The following TIRAP variants were observed in gnomAD, a reference collection of about 807,000 sequenced individuals.
The protein encoded by TIRAP is toll/interleukin-1 receptor domain-containing adapter protein.
A neutral mutation model predicts 19.8 loss-of-function variants in TIRAP; 20 were observed. The ratio of observed to expected loss-of-function variants is 1.01; its 90% CI spans 0.71 to 1.47. TIRAP has a LOEUF of 1.47. TIRAP is among the 40% of genes most tolerant of loss of function. The pLI is 0.00. For synonymous variants in TIRAP, 125 were observed against 121.7 expected (o/e 1.03, Z -0.18); for missense variants, 276 against 285.1 (o/e 0.97, Z 0.23).
At chr11:126,283,506 G>T (rs1770775858) in intron 1 of TIRAP, among the ~76,000 whole-genome samples, 2 of 152,222 alleles carry the variant, frequency 1.3e-5, no homozygotes, top group South Asian at 4.1e-4. Context: ...CTCTGCTCCG[G>T]TCACAGCCTC....
At position 126,292,621 on chromosome 11, in the gene TIRAP, C is replaced by T; in HGVS notation, c.212C>T (p.Pro71Leu). The change falls in exon 4 of 5, where the codon CCC becomes CTC. Residue 71 changes from proline (P) to leucine (L), a missense_variant. By Grantham distance (98) the Pro-to-Leu change is moderately conservative. Coordinates refer to ENST00000392679, the MANE Select transcript of TIRAP (RefSeq NM_001318777.2). ...LSSVTSPSLP[P>L]THASDSGSSR... The stretch of plus-strand genomic sequence containing the variant: ...TCAGTCACGTCTCCCAGCCTGCCAC[C>T]CACACATGCGAGTGACAGTGGCAGT... 2 of 1,614,204 alleles carry T rather than the reference C, an allele frequency of 1.2e-6. No individual in the cohort carries two copies. Among genetic ancestry groups the T allele is most frequent in the South Asian group, 1.1e-5 (1 of 91,084 alleles).
chr11:126,293,424 T>C (rs1298574916), intron 4 of TIRAP: 1 of 709,002 alleles, frequency 1.4e-6, no homozygotes, highest in Non-Finnish European at 2.6e-6. Flanking sequence ...ATTAGGTTTC[T>C]CTGAGATCAG....
chr11:126,290,570 G>A lies in TIRAP; in HGVS notation c.-108G>A. ...AGAGAACAGTTCCTCAGCTGGTCATGCTGAGCTCATACCCTGTAAGTCTGA... is the reference window on the plus strand; with the variant it reads ...AGAGAACAGTTCCTCAGCTGGTCATACTGAGCTCATACCCTGTAAGTCTGA... On this transcript the variant is annotated 5_prime_UTR_variant, in exon 2 of 5. It removes an upstream start codon present in the reference 5' UTR. Transcript: ENST00000392679. The surrounding 1 kb of genome is among the most constrained non-coding windows in gnomAD (Gnocchi z 4.9). 1 of 1,070,010 alleles carries A rather than the reference G, an allele frequency of 9.3e-7. No individual in the cohort carries two copies. The highest frequency in any genetic ancestry group is 1.1e-6 in the Non-Finnish European group (1 of 885,770). The allele number at this position is 1,070,010 out of a possible 1,614,324, so 66.3% of individuals were successfully genotyped here.
chr11:126,292,754 C>G lies in TIRAP; in HGVS notation c.345C>G (p.Arg115=). ...TGGAAGGCAGCACTGCCAGCCTGCGCTGCTTCCTGCAACTCCGGGATGCAA... is the reference window on the plus strand; with the variant it reads ...TGGAAGGCAGCACTGCCAGCCTGCGGTGCTTCCTGCAACTCCGGGATGCAA... ...SYLEGSTASL[R]CFLQLRDATP... Residue 115 remains arginine, a synonymous_variant, in exon 4 of 5, where the codon CGC becomes CGG. Transcript: ENST00000392679. The G allele has an allele frequency of 6.2e-7, 1 of 1,613,188 alleles. No homozygotes were observed. The highest frequency in any genetic ancestry group is 1.7e-5 in the Admixed American group (1 of 59,880).
At position 126,292,856 on chromosome 11, in the gene TIRAP, G is replaced by A. The variant is rs1238402096; in HGVS notation, c.447G>A (p.Pro149=). The change falls in exon 4 of 5, where the codon CCG becomes CCA. Residue 149 remains proline, a synonymous_variant. Coordinates refer to ENST00000392679, the MANE Select transcript of TIRAP (RefSeq NM_001318777.2). The part of the protein sequence containing the change: ...SSHCRVLLIT[P]GFLQDPWCKY... ...ACTGCCGGGTGCTGCTCATCACGCC[G>A]GGCTTCCTTCAGGACCCCTGGTGCA... The A allele has an allele frequency of 4.3e-6, 7 of 1,613,086 alleles. No individual in the cohort carries two copies. The highest frequency in any genetic ancestry group is 2.7e-5 in the African/African-American group (2 of 74,926).
At position 126,288,138 on chromosome 11, in the gene TIRAP, C is replaced by G. The variant is rs1951342048; in HGVS notation, c.-216-2324C>G. Among the ~76,000 whole-genome samples, 1 of 152,232 alleles carries G rather than the reference C, an allele frequency of 6.6e-6. No homozygotes were observed. Among genetic ancestry groups the G allele is most frequent in the African/African-American group, 2.4e-5 (1 of 41,464 alleles). On this transcript the variant is annotated intron_variant, in intron 1 of 4. Coordinates refer to ENST00000392679, the MANE Select transcript of TIRAP (RefSeq NM_001318777.2). The surrounding 1 kb of genome is among the most constrained non-coding windows in gnomAD (Gnocchi z 5.0). ...CACATGATCTGCCCACCTCGGCCTC[C>G]CAAAGTGCTGGGATTACAGGCATGA...
At position 126,290,391 on chromosome 11, in the gene TIRAP, G is replaced by C; in HGVS notation, c.-216-71G>C. On this transcript the variant is annotated intron_variant, in intron 1 of 4. Transcript: ENST00000392679. This position sits in a 1 kb window ranked among gnomAD's most constrained non-coding sequence, Gnocchi z 4.9. The stretch of plus-strand genomic sequence containing the variant: ...TTCCTGCATGTGCTCTCTCTCTACT[G>C]TTCAGCTTCTGTCTATCTGGATACA... 1.0e-6 allele frequency: 1 copy of C among 978,504 alleles called. No homozygotes were observed. The highest frequency in any genetic ancestry group is 1.2e-6 in the Non-Finnish European group (1 of 823,258). 60.6% of individuals were successfully genotyped at this position (978,504 alleles called of 1,614,324 possible).
Position 126,292,939 on chromosome 11 carries a change from C to A in TIRAP, c.530C>A (p.Pro177His), listed in dbSNP as rs1430822478. ...CCAGGGGCCGAGGGCTGCACCATCC[C>A]CCTGCTGTCGGGCCTCAGCAGAGCT... ...EAPGAEGCTI[P>H]LLSGLSRAAY... Residue 177 changes from proline to histidine, a missense_variant, in exon 4 of 5, where the codon CCC (proline) becomes CAC (histidine). Pro to His is a moderately conservative substitution (Grantham distance 77). Transcript: ENST00000392679. 20 of 1,613,952 alleles carry A rather than the reference C, an allele frequency of 1.2e-5. No individual in the cohort carries two copies. Among genetic ancestry groups the A allele is most frequent in the Non-Finnish European group, 1.7e-5 (20 of 1,179,974 alleles).
Position 126,285,260 on chromosome 11 carries a change from T to TATATATATATATATATATATAA in TIRAP, c.-217+2108_-217+2109insTATATATATATATATATATAAA, listed in dbSNP as rs773653398. Among the ~76,000 whole-genome samples the TATATATATATATATATATATAA allele has an allele frequency of 2.5e-3, 340 of 135,378 alleles. 2 individuals carry two copies. Among genetic ancestry groups the TATATATATATATATATATATAA allele is most frequent in the South Asian group, 8.1e-3 (34 of 4,188 alleles). 88.8% of individuals were successfully genotyped at this position (135,378 alleles called of 152,430 possible). A position where few individuals can be genotyped will look rare whatever the true frequency, so the allele number is the denominator to read the frequency against. On this transcript the variant is annotated intron_variant, in intron 1 of 4. Transcript: ENST00000392679. ...GTGTGTGTGTATATATATATATATA[T>TATATATATATATATATATATAA]AATATATATTTTATTTGATTTTTGA...
At chr11:126,289,902 C>T in intron 1 of TIRAP, 2 of 951,586 alleles carry the variant, frequency 2.1e-6, no homozygotes, top group Non-Finnish European at 2.5e-6. Flanking sequence ...AGTCTGACAA[C>T]CTCCCCACCA....
chr11:126,285,243 G>GTGTGTGTATATATATATATATA, intron 1 of TIRAP, among the ~76,000 whole-genome samples: 4,898 of 106,454 alleles, frequency 0.046, 157 homozygotes, highest in Non-Finnish European at 0.07. Context: ...GTGTGTGTGT[G>GTGTGTGTATATATATATATATA]TATATATATA....
At position 126,291,616 on chromosome 11, in the gene TIRAP, A is replaced by G. The variant is rs779202228; in HGVS notation, c.67+655A>G. On this transcript the variant is annotated intron_variant, in intron 3 of 4. Coordinates refer to ENST00000392679, the MANE Select transcript of TIRAP (RefSeq NM_001318777.2). This position sits in a 1 kb window ranked among gnomAD's most constrained non-coding sequence, Gnocchi z 5.6. ...TCTCTGCTCCTCAGCAACTCTGAGC[A>G]GTAGCCTCTTCCCCATTTAGCGACA... The G allele has an allele frequency of 2.3e-6, 1 of 438,776 alleles. No homozygotes were observed. The highest frequency in any genetic ancestry group is 4.6e-6 in the Non-Finnish European group (1 of 217,774). 27.2% of individuals were successfully genotyped at this position (438,776 alleles called of 1,614,324 possible). A position where few individuals can be genotyped will look rare whatever the true frequency, so the allele number is the denominator to read the frequency against.
At chr11:126,286,832 T>C (rs574055018) in intron 1 of TIRAP, among the ~76,000 whole-genome samples, 1 of 152,304 alleles carries the variant, frequency 6.6e-6, no homozygotes, top group Admixed American at 6.5e-5. Flanking sequence ...ACACATTGAT[T>C]ATCCTGCCGT....
At chr11:126,286,489 G>T (rs942705102) in intron 1 of TIRAP, among the ~76,000 whole-genome samples, 1 of 152,214 alleles carries the variant, frequency 6.6e-6, no homozygotes, top group Non-Finnish European at 1.5e-5. Flanking sequence ...AGCTATAAAT[G>T]AATTATATTC....
chr11:126,293,170 A>G, intron 4 of TIRAP, 115 bp downstream of exon 4: 4 of 1,563,528 alleles, frequency 2.6e-6, no homozygotes, highest in Non-Finnish European at 3.5e-6. Context: ...CTTCTGGAAA[A>G]GGCTGTCGGG....
Position 126,294,816 on chromosome 11 carries a change from C to T in TIRAP, c.*1129C>T. Reference sequence around the variant, plus strand: ...ATTTTTTAAATTATAAACTATTTTGCCAGGCGCCATGGCTCACACCTGTAA... The same window carrying T: ...ATTTTTTAAATTATAAACTATTTTGTCAGGCGCCATGGCTCACACCTGTAA... On this transcript the variant is annotated 3_prime_UTR_variant, in exon 5 of 5. Transcript: ENST00000392679. 3.4e-6 allele frequency: 1 copy of T among 297,318 alleles called. No homozygotes were observed. The allele number at this position is 297,318 out of a possible 1,614,324, so 18.4% of individuals were successfully genotyped here. A position where few individuals can be genotyped will look rare whatever the true frequency, so the allele number is the denominator to read the frequency against.
Position 126,290,899 on chromosome 11 carries a change from C to T in TIRAP, c.5C>T (p.Ala2Val), listed in dbSNP as rs1482980029. The part of the protein sequence containing the change: M[A>V]SSTSLPAPGS... ...GCTAGTTTTGACCCCCACGCTATGG[C>T]ATCATCGACCTCCCTCCCAGCTCCT... Residue 2 changes from alanine (A) to valine (V), a missense_variant, in exon 3 of 5, where the codon GCA becomes GTA. Coordinates refer to ENST00000392679, the MANE Select transcript of TIRAP (RefSeq NM_001318777.2). The surrounding 1 kb of genome is among the most constrained non-coding windows in gnomAD (Gnocchi z 4.9). The T allele has an allele frequency of 3.1e-6, 5 of 1,605,196 alleles. No individual in the cohort carries two copies. Among genetic ancestry groups the T allele is most frequent in the Non-Finnish European group, 2.6e-6 (3 of 1,175,264 alleles).
chr11:126,292,775 T>C lies in TIRAP; in HGVS notation c.366T>C (p.Asp122=). 6.2e-7 allele frequency: 1 copy of C among 1,613,130 alleles called. No homozygotes were observed. Among genetic ancestry groups the C allele is most frequent in the Non-Finnish European group, 8.5e-7 (1 of 1,179,780 alleles). ...ASLRCFLQLR[D]ATPGGAIVSE... ...TGCGCTGCTTCCTGCAACTCCGGGA[T>C]GCAACCCCAGGCGGCGCTATAGTGT... The change falls in exon 4 of 5, where the codon GAT becomes GAC. Residue 122 remains aspartate (D), a synonymous_variant. Coordinates refer to ENST00000392679, the MANE Select transcript of TIRAP (RefSeq NM_001318777.2).
intron 1 of TIRAP, chr11:126,289,920 T>TA (rs1565364124): frequency 1.2e-6 from 1 of 840,934 alleles, no homozygotes; most frequent in Non-Finnish European, 1.4e-6. Context: ...CCAAAAAACC[T>TA]AAAAAACAAA....
Sources: gnomAD v4.1 joint callset for allele counts (sites outside exome capture counted in the v4.1 genomes callset) on GRCh38, gnomAD v4.1.1 for gene constraint, Gnocchi (gnomAD v3.1) non-coding constraint, MANE v1.5 for transcripts, NCBI Gene and HGNC (gene_info 2026-07-23, HGNC 2026-07-21) for gene names.